Variants in LGI2 observed in about 807,000 individuals in gnomAD.
The protein encoded by LGI2 is leucine rich repeat LGI family member 2.
Under a neutral mutation model 52.0 loss-of-function variants are expected in LGI2, and 30 were observed. That is an observed-to-expected ratio of 0.58 (90% confidence interval 0.43 to 0.78). The LOEUF (loss-of-function observed/expected upper bound fraction) is 0.78. Among genes scored for constraint, LGI2 ranks in the 30% least tolerant of loss-of-function variants. The pLI, the probability that LGI2 is intolerant of heterozygous loss-of-function variation, is 0.00. For synonymous variants in LGI2, 270 were observed against 271.8 expected, an observed-to-expected ratio of 0.99 and a Z score of 0.06; for missense variants, 573 against 692.5, an observed-to-expected ratio of 0.83 and a Z score of 1.94.
intron 6 of LGI2, among the ~76,000 whole-genome samples, chr4:25,016,467 A>T (rs141096098): frequency 2.4e-4 from 37 of 152,330 alleles, no homozygotes; most frequent in African/African-American, 8.2e-4. Flanking sequence ...TTTTGGTGCA[A>T]ATGTTATCGA....
At chr4:25,023,068 T>TTGATGA (rs59366282) in intron 4 of LGI2, among the ~76,000 whole-genome samples, 43,836 of 151,022 alleles carry the variant, frequency 0.29, 6,528 homozygotes, top group African/African-American at 0.32. Context: ...TATGTTGATG[T>TTGATGA]TGATGATGAT....
chr4:25,007,577 CAGTGTG>C (rs1725431301), intron 7 of LGI2, among the ~76,000 whole-genome samples: 1 of 108,858 alleles, frequency 9.2e-6, no homozygotes, highest in African/African-American at 4.3e-5. Context: ...GCAGACAGAT[CAGTGTG>C]TGTGTGTGTG....
Position 25,004,185 on chromosome 4 carries a change from T to C in LGI2, c.904A>G (p.Ile302Val), listed in dbSNP as rs755632277. The C allele has an allele frequency of 8.1e-6, 13 of 1,614,150 alleles. No individual in the cohort carries two copies. The South Asian group carries it at 9.9e-5, about 12-fold the overall frequency. The change falls in exon 8 of 8, where the codon ATT becomes GTT. Residue 302 changes from isoleucine to valine, a missense_variant. Ile to Val is a conservative substitution (Grantham distance 29). Coordinates refer to ENST00000382114, the MANE Select transcript of LGI2 (RefSeq NM_018176.4). This position sits in a 1 kb window ranked among gnomAD's most constrained non-coding sequence, Gnocchi z 4.6. ...GTCCAACTCTCGTCGTATTTGTAAA[T>C]GTGAGAGCCACCGAAGAGCTGGGCT... Reference protein sequence around the residue: ...VVAQLFGGSHIYKYDESWTKF... With the variant: ...VVAQLFGGSHVYKYDESWTKF...
At chr4:25,027,129 C>T (rs1478186887) in intron 2 of LGI2, among the ~76,000 whole-genome samples, 190 bp from the exon 3 acceptor site, 1 of 152,142 alleles carries the variant, frequency 6.6e-6, no homozygotes, top group Non-Finnish European at 1.5e-5. Context: ...CAAGTGGATT[C>T]CTTTTGACCA....
intron 3 of LGI2, among the ~76,000 whole-genome samples, 172 bp from the exon 4 acceptor site, chr4:25,025,063 A>G (rs1726100856): frequency 6.6e-6 from 1 of 152,226 alleles, no homozygotes; most frequent in Non-Finnish European, 1.5e-5. Context: ...GATGTATGCA[A>G]AAATGCGTGC....
chr4:25,026,067 T>G (rs1001617113), intron 3 of LGI2, among the ~76,000 whole-genome samples: 4 of 151,882 alleles, frequency 2.6e-5, no homozygotes, highest in Non-Finnish European at 5.9e-5. Context: ...ACATCTTTTC[T>G]CAAGACACAA....
chr4:25,028,626 G>A (rs1317329538), intron 1 of LGI2, 48 bp from the exon 2 acceptor site: 2 of 1,522,488 alleles, frequency 1.3e-6, no homozygotes, highest in Non-Finnish European at 1.8e-6. Flanking sequence ...CTTTTAGGAA[G>A]TGCCATGCAG....
intron 1 of LGI2, 67 bp from the exon 2 acceptor site, chr4:25,028,645 ATCAAACTCTGCCTCCACCTGTACT>A: frequency 7.4e-7 from 1 of 1,344,588 alleles, no homozygotes; most frequent in Non-Finnish European, 1.0e-6. Flanking sequence ...AGGGTGGGTA[ATCAAACTCTGCCTCCACCTGTACT>A]TCAAACCCTG....
chr4:24,999,826 C>A lies in LGI2; in HGVS notation c.*3625G>T, dbSNP rs1483676010. 2.2e-6 allele frequency: 1 copy of A among 456,246 alleles called. No individual in the cohort carries two copies. The highest frequency in any genetic ancestry group is 2.3e-5 in the Admixed American group (1 of 42,584). 28.3% of individuals were successfully genotyped at this position (456,246 alleles called of 1,614,324 possible). On this transcript the variant is annotated 3_prime_UTR_variant, in exon 8 of 8. Coordinates refer to ENST00000382114, the MANE Select transcript of LGI2 (RefSeq NM_018176.4). ...CCATTTCCAGTGTGCTTCCTGAAGG[C>A]TGATGACGGCCGAGAGCAATTCATC... is the stretch of plus-strand genomic sequence containing the variant.
intron 6 of LGI2, among the ~76,000 whole-genome samples, chr4:25,013,233 G>A (rs1430188008): frequency 3.9e-5 from 6 of 152,234 alleles, no homozygotes; most frequent in Non-Finnish European, 2.9e-5. Context: ...TGGGGGCAGA[G>A]TAGGTGCTTA....
chr4:25,013,732 T>C (rs1725662343), intron 6 of LGI2, among the ~76,000 whole-genome samples: 1 of 152,196 alleles, frequency 6.6e-6, no homozygotes, highest in African/African-American at 2.4e-5. Flanking sequence ...GATCACTCAG[T>C]AGTTGACATA....
At chr4:25,030,154 C>T (rs1389235550) in intron 1 of LGI2, among the ~76,000 whole-genome samples, 1 of 152,166 alleles carries the variant, frequency 6.6e-6, no homozygotes, top group Non-Finnish European at 1.5e-5. Context: ...CTCCCGGGGA[C>T]GTCAAACGCA....
At chr4:25,026,972 TG>T in intron 2 of LGI2, 33 bp from the exon 3 acceptor site, 2 of 1,518,990 alleles carry the variant, frequency 1.3e-6, no homozygotes, top group Non-Finnish European at 1.8e-6. Flanking sequence ...AATGGAGAGA[TG>T]TAAAACTTGA....
At chr4:24,993,152 G>A in the LGI2 span, among the ~76,000 whole-genome samples, 1 of 152,210 alleles carries the variant, frequency 6.6e-6, no homozygotes, top group Non-Finnish European at 1.5e-5. Context: ...AAAGCCTTTA[G>A]AATAGCACCT....
chr4:25,024,170 C>A (rs1384106026), intron 4 of LGI2, among the ~76,000 whole-genome samples: 1 of 152,170 alleles, frequency 6.6e-6, no homozygotes, highest in Non-Finnish European at 1.5e-5. Flanking sequence ...AGAAGGCTCA[C>A]TAAGCACCCA....
Position 25,001,295 on chromosome 4 carries a change from C to T in LGI2, c.*2156G>A, listed in dbSNP as rs1725232895. 1 of 152,266 alleles carries T rather than the reference C, an allele frequency of 6.6e-6. No homozygotes were observed. The highest frequency in any genetic ancestry group is 1.5e-5 in the Non-Finnish European group (1 of 68,082). 9.4% of individuals were successfully genotyped at this position (152,266 alleles called of 1,614,324 possible). ...GTGATACCTCTCTGCAGTAGCAACA[C>T]TGTGAAAAGATGCCACCTTGCCATC... On this transcript the variant is annotated 3_prime_UTR_variant, in exon 8 of 8. Coordinates refer to ENST00000382114, the MANE Select transcript of LGI2 (RefSeq NM_018176.4).
At chr4:24,992,594 A>C in the LGI2 span, among the ~76,000 whole-genome samples, 42 of 152,262 alleles carry the variant, frequency 2.8e-4, no homozygotes, top group African/African-American at 9.6e-4. Flanking sequence ...ATAGCTGGAG[A>C]ATCGCTTGAA....
rs1318901381 is a variant in LGI2 at position 25,000,410 on chromosome 4, T to C, written c.*3041A>G. On this transcript the variant is annotated 3_prime_UTR_variant, in exon 8 of 8. Transcript: ENST00000382114. ...GAATAATACCTGCCCTGCAATAAAC[T>C]TCAGAGCTATTTATGAACAAATGAG... 6.6e-6 allele frequency: 1 copy of C among 152,254 alleles called. No individual in the cohort carries two copies. Among genetic ancestry groups the C allele is most frequent in the African/African-American group, 2.4e-5 (1 of 41,180 alleles). The allele number at this position is 152,254 out of a possible 1,614,324, so 9.4% of individuals were successfully genotyped here. A position where few individuals can be genotyped will look rare whatever the true frequency, so the allele number is the denominator to read the frequency against.
chr4:25,022,787 C>A (rs778606837), intron 4 of LGI2, among the ~76,000 whole-genome samples: 1 of 152,190 alleles, frequency 6.6e-6, no homozygotes, highest in Admixed American at 6.5e-5. Context: ...ATGGAAGAAC[C>A]ACAGCCATCT....
Sources: allele counts gnomAD v4.1 joint callset (sites outside exome capture counted in the v4.1 genomes callset), GRCh38; gene constraint gnomAD v4.1.1; non-coding constraint Gnocchi (gnomAD v3.1); transcripts MANE v1.5; gene names NCBI Gene and HGNC (gene_info 2026-07-23, HGNC 2026-07-21).